Variants in PLCG2 observed in about 807,000 individuals in gnomAD.
The protein encoded by PLCG2 is 1-phosphatidylinositol 4,5-bisphosphate phosphodiesterase gamma-2.
A neutral mutation model predicts 175.6 loss-of-function variants in PLCG2; 69 were observed. The observed-to-expected ratio is 0.39, with a 90% CI of 0.32 to 0.48. The LOEUF (loss-of-function observed/expected upper bound fraction) is 0.48, where lower values mean the gene tolerates loss of function less well. Ranked by LOEUF, PLCG2 falls within the 20% of genes least tolerant of loss-of-function variation. PLCG2 has a pLI of 0.91. For synonymous variants in PLCG2, 827 were observed against 624.0 expected (o/e 1.33, Z -4.85); for missense variants, 1,798 against 1,650.9 (o/e 1.09, Z -1.54).
At chr16:81,744,126 G>A (rs937970286) in intron 1 of PLCG2, among the ~76,000 whole-genome samples, 2 of 151,414 alleles carry the variant, frequency 1.3e-5, no homozygotes, top group African/African-American at 4.9e-5. Flanking sequence ...CCAAAGTGCT[G>A]GGATTACAGG....
intron 2 of PLCG2, among the ~76,000 whole-genome samples, chr16:81,812,921 T>C (rs1233149312): frequency 1.3e-5 from 2 of 152,236 alleles, no homozygotes; most frequent in South Asian, 2.1e-4. Flanking sequence ...ACACCATTTA[T>C]TAAGTAGGGA....
intron 5 of PLCG2, among the ~76,000 whole-genome samples, chr16:81,863,027 T>G (rs1201222092): frequency 6.6e-6 from 1 of 152,254 alleles, no homozygotes; most frequent in East Asian, 1.9e-4. Context: ...AAATTTGTTT[T>G]ATTGTGGTAA....
intron 1 of PLCG2, among the ~76,000 whole-genome samples, chr16:81,749,369 G>C (rs1567692590): frequency 6.6e-6 from 1 of 150,978 alleles, no homozygotes; most frequent in African/African-American, 2.4e-5. Flanking sequence ...ATTTTTTTGC[G>C]ATGGAGTCTC....
rs79148604 is a variant in PLCG2, at chr16:81,817,773, C to G, written c.193+31591C>G. On this transcript the variant is annotated intron_variant, in intron 2 of 32. Transcript: ENST00000564138. Reference sequence around the variant, plus strand: ...GAGAGCTGGGGTTACAGGCATAAGCCCCTGCACTCGGTTGTGATTCTTTCA... The same window carrying G: ...GAGAGCTGGGGTTACAGGCATAAGCGCCTGCACTCGGTTGTGATTCTTTCA... Among the ~76,000 whole-genome samples the G allele has an allele frequency of 3.3e-4, 50 of 152,272 alleles. No homozygotes were observed. In the East Asian group the frequency reaches 9.3e-3, roughly 28 times the overall value.
At chr16:81,919,237 G>A (rs1485940687) in intron 19 of PLCG2, among the ~76,000 whole-genome samples, 1 of 152,200 alleles carries the variant, frequency 6.6e-6, no homozygotes, top group Non-Finnish European at 1.5e-5. Flanking sequence ...GAGAGGAAGG[G>A]TAAGAGGAGC....
chr16:81,891,872 G>A (rs1229373157), intron 11 of PLCG2, among the ~76,000 whole-genome samples: 1 of 152,178 alleles, frequency 6.6e-6, no homozygotes, highest in African/African-American at 2.4e-5. Context: ...AAGTAACATA[G>A]TAAACTTAGT....
chr16:81,953,628 C>T (rs1053078057), intron 31 of PLCG2, among the ~76,000 whole-genome samples: 2 of 152,132 alleles, frequency 1.3e-5, no homozygotes, highest in Admixed American at 1.3e-4. Context: ...AACTCAGACT[C>T]AAAAGAAATC....
intron 2 of PLCG2, among the ~76,000 whole-genome samples, chr16:81,793,444 G>A (rs572986721): frequency 6.8e-4 from 104 of 152,348 alleles, no homozygotes; most frequent in African/African-American, 2.4e-3. Context: ...GGTGCCACCT[G>A]TTTGTGGGTC....
intron 7 of PLCG2, among the ~76,000 whole-genome samples, chr16:81,878,082 C>T (rs902956248): frequency 1.2e-4 from 18 of 146,158 alleles, no homozygotes; most frequent in South Asian, 4.5e-4. Flanking sequence ...CCCGGGTTCA[C>T]GCCATTCTTC....
In PLCG2 at chr16:81,958,093, T is replaced by A. The variant is rs1383702386; in HGVS notation, c.*95T>A. 1.3e-5 allele frequency: 11 copies of A among 846,808 alleles called. No individual in the cohort carries two copies. Among genetic ancestry groups the A allele is most frequent in the Non-Finnish European group, 2.2e-5 (11 of 494,596 alleles). 52.5% of individuals were successfully genotyped at this position (846,808 alleles called of 1,614,324 possible). On this transcript the variant is annotated 3_prime_UTR_variant, in exon 33 of 33. Coordinates refer to ENST00000564138, the MANE Select transcript of PLCG2 (RefSeq NM_002661.5). ...TATTCACACTCTGGGAAGACGCTAATCTGTGACATCTTTTCTTCAAGCCTG... is the reference window on the plus strand; with the variant it reads ...TATTCACACTCTGGGAAGACGCTAAACTGTGACATCTTTTCTTCAAGCCTG...
intron 9 of PLCG2, among the ~76,000 whole-genome samples, chr16:81,887,667 C>T (rs1908437443): frequency 6.6e-6 from 1 of 152,192 alleles, no homozygotes; most frequent in African/African-American, 2.4e-5. Context: ...ACATTGCATC[C>T]AGCCCTTCCC....
chr16:81,822,662 C>A (rs1418218423), intron 2 of PLCG2, among the ~76,000 whole-genome samples: 1 of 141,724 alleles, frequency 7.1e-6, no homozygotes, highest in East Asian at 2.2e-4. Flanking sequence ...AAGGCTGAGG[C>A]AGGAGAATCG....
Position 81,880,993 on chromosome 16 carries a change from G to A in PLCG2, c.692+40G>A, listed in dbSNP as rs556075076. 109 of 1,598,450 alleles carry A rather than the reference G, an allele frequency of 6.8e-5. 1 individual carries two copies. The Middle Eastern group carries it at 1.7e-3, about 24-fold the overall frequency. ...GTGTGTCGTTCGGGGCGGCTGTGCC[G>A]GACCTCGGTGCCTGGTGCCCAGCCG... On this transcript the variant is annotated intron_variant, in intron 8 of 32. Coordinates refer to ENST00000564138, the MANE Select transcript of PLCG2 (RefSeq NM_002661.5).
intron 2 of PLCG2, among the ~76,000 whole-genome samples, chr16:81,802,093 C>CCTTT (rs1911748140): frequency 5.0e-5 from 2 of 40,016 alleles, no homozygotes; most frequent in South Asian, 1.6e-3. Context: ...TGAGTACAGT[C>CCTTT]TTTTTTTTTT....
chr16:81,864,639 G>C (rs538825553), intron 5 of PLCG2, among the ~76,000 whole-genome samples: 1 of 152,334 alleles, frequency 6.6e-6, no homozygotes, highest in South Asian at 2.1e-4. Context: ...TGAAGGGTGC[G>C]TGGACCTGCC....
chr16:81,879,846 C>G (rs1286031307), intron 7 of PLCG2, among the ~76,000 whole-genome samples: 1 of 152,172 alleles, frequency 6.6e-6, no homozygotes, highest in Non-Finnish European at 1.5e-5. Context: ...GTGGAAGAGC[C>G]TCTTCATCAT....
At chr16:81,901,958 G>A (rs930565417) in intron 14 of PLCG2, among the ~76,000 whole-genome samples, 2 of 152,194 alleles carry the variant, frequency 1.3e-5, no homozygotes, top group Admixed American at 1.3e-4. Flanking sequence ...TTTTGAAGGA[G>A]CTCATTACAC....
intron 2 of PLCG2, among the ~76,000 whole-genome samples, chr16:81,843,082 G>A (rs1221561529): frequency 6.6e-6 from 1 of 152,048 alleles, no homozygotes; most frequent in African/African-American, 2.4e-5. Flanking sequence ...CTGTGGCTGG[G>A]TTATCTCACT....
chr16:81,917,175 A>C (rs955242916), intron 19 of PLCG2, among the ~76,000 whole-genome samples: 2 of 150,478 alleles, frequency 1.3e-5, no homozygotes, highest in African/African-American at 2.4e-5. Flanking sequence ...TTTATTTCAC[A>C]CAGCACAATG....
Sources: gnomAD v4.1 joint callset for allele counts (sites outside exome capture counted in the v4.1 genomes callset) on GRCh38, gnomAD v4.1.1 for gene constraint, MANE v1.5 for transcripts, NCBI Gene and HGNC (gene_info 2026-07-23, HGNC 2026-07-21) for gene names.